Variants in TNRC6B observed in about 807,000 individuals in gnomAD.
The protein encoded by TNRC6B is trinucleotide repeat containing adaptor 6B.
Under a neutral mutation model 203.6 loss-of-function variants are expected in TNRC6B, and 52 were observed. The observed-to-expected ratio is 0.26, with a 90% confidence interval of 0.20 to 0.32. The LOEUF (loss-of-function observed/expected upper bound fraction) is 0.32. TNRC6B is among the 10% of genes least tolerant of loss of function. The probability of loss-of-function intolerance (pLI) is 1.00; values close to 1 mark genes in which losing one functional copy is unlikely to be tolerated. For synonymous variants in TNRC6B, 838 were observed against 845.7 expected, an observed-to-expected ratio of 0.99 and a Z score of 0.16; for missense variants, 1,923 against 2,286.2, an observed-to-expected ratio of 0.84 and a Z score of 3.24.
chr22:40,099,774 G>A (rs575849206), intron 1 of TNRC6B, among the ~76,000 whole-genome samples: 14 of 152,038 alleles, frequency 9.2e-5, no homozygotes, highest in African/African-American at 2.9e-4. Flanking sequence ...TTTTTGAAAC[G>A]GAGTCTCGCT....
chr22:40,171,665 T>G (rs934234030), intron 4 of TNRC6B, among the ~76,000 whole-genome samples: 3 of 152,154 alleles, frequency 2.0e-5, no homozygotes, highest in Non-Finnish European at 4.4e-5. Context: ...AATGGCGCTG[T>G]TTTCTTTTCC....
At chr22:40,198,940 T>A (rs2069375002) in intron 1 of TNRC6B, among the ~76,000 whole-genome samples, 1 of 152,044 alleles carries the variant, frequency 6.6e-6, no homozygotes, top group Admixed American at 6.6e-5. Flanking sequence ...TATCCCATTT[T>A]CCACTAAAAG....
At chr22:40,261,698 C>G in intron 3 of TNRC6B, 134 bp from the exon 4 acceptor site, 1 of 737,800 alleles carries the variant, frequency 1.4e-6, no homozygotes, top group African/African-American at 1.8e-5. Flanking sequence ...GTCCCTTGAG[C>G]CCGAGTTCAA....
intron 5 of TNRC6B, among the ~76,000 whole-genome samples, chr22:40,267,239 A>C (rs1179763015): frequency 6.6e-6 from 1 of 152,248 alleles, no homozygotes; most frequent in African/African-American, 2.4e-5. Flanking sequence ...TTTCTTGGCA[A>C]AAGGAAAAGA....
chr22:40,176,169 G>T (rs1220028397), upstream of TNRC6B, among the ~76,000 whole-genome samples: 1 of 147,108 alleles, frequency 6.8e-6, no homozygotes, highest in Non-Finnish European at 1.5e-5. Flanking sequence ...TTGCTGCCCA[G>T]TCTGGAGTGC....
At chr22:40,268,677 C>T (rs933682218) in intron 5 of TNRC6B, among the ~76,000 whole-genome samples, 3 of 151,720 alleles carry the variant, frequency 2.0e-5, no homozygotes, top group Non-Finnish European at 4.4e-5. Flanking sequence ...TTTGGGAGGC[C>T]GAGGCGGACA....
chr22:40,129,636 T>G (rs2068523828), intron 3 of TNRC6B, among the ~76,000 whole-genome samples: 1 of 152,208 alleles, frequency 6.6e-6, no homozygotes, highest in Non-Finnish European at 1.5e-5. Context: ...CCTGGATTTG[T>G]TTAAGAACTA....
rs2070478483 is a variant in TNRC6B, at chr22:40,266,282, A to G, written c.2052A>G (p.Ser684=). 1.3e-6 allele frequency: 2 copies of G among 1,591,356 alleles called. No homozygotes were observed. Among genetic ancestry groups the G allele is most frequent in the African/African-American group, 2.7e-5 (2 of 74,418 alleles). The change falls in exon 5 of 23, where the codon TCA becomes TCG. Residue 684 remains serine, a synonymous_variant. Transcript: ENST00000454349. ...TGAAGTCTGGATGGGGGGAGCTCTC[A>G]GCCTCTACAGAGTGGAAAGACCCCA... is the stretch of plus-strand genomic sequence containing the variant. ...NQMKSGWGEL[S]ASTEWKDPKN...
At chr22:40,208,298 G>C (rs2069513776) in intron 1 of TNRC6B, among the ~76,000 whole-genome samples, 1 of 152,040 alleles carries the variant, frequency 6.6e-6, no homozygotes, top group Admixed American at 6.6e-5. Context: ...TTTCAGTTGT[G>C]GGCTGGTAAC....
At chr22:40,097,735 A>G (rs932522374) in intron 1 of TNRC6B, among the ~76,000 whole-genome samples, 1 of 151,694 alleles carries the variant, frequency 6.6e-6, no homozygotes, top group African/African-American at 2.4e-5. Flanking sequence ...CATTGTATAC[A>G]TTATATATAC....
intron 3 of TNRC6B, among the ~76,000 whole-genome samples, chr22:40,135,488 C>T (rs1367938376): frequency 6.6e-6 from 1 of 152,028 alleles, no homozygotes; most frequent in African/African-American, 2.4e-5. Context: ...TTATTGACAC[C>T]TTGAAGTAGC....
Position 40,329,357 on chromosome 22 carries a change from A to G in TNRC6B, c.*6116A>G, listed in dbSNP as rs555488684. The stretch of plus-strand genomic sequence containing the variant: ...CCAGAGTTAGTGCAGACCCTGTGAT[A>G]ACAGTCTGTGGGTTTGTGGCCAGCG... On this transcript the variant is annotated 3_prime_UTR_variant, in exon 23 of 23. Coordinates refer to ENST00000454349, the MANE Select transcript of TNRC6B (RefSeq NM_001162501.2). The G allele has an allele frequency of 6.6e-6, 1 of 152,338 alleles. No individual in the cohort carries two copies. The highest frequency in any genetic ancestry group is 6.5e-5 in the Admixed American group (1 of 15,298). The allele number at this position is 152,338 out of a possible 1,614,324, so 9.4% of individuals were successfully genotyped here.
intron 21 of TNRC6B, among the ~76,000 whole-genome samples, chr22:40,319,507 G>C (rs960890807): frequency 1.3e-5 from 2 of 149,002 alleles, no homozygotes; most frequent in African/African-American, 2.5e-5. Flanking sequence ...CTCACTGCAA[G>C]CTCCGCCTCC....
Position 40,159,152 on chromosome 22 carries a change from A to G in TNRC6B, c.113+2970A>G, listed in dbSNP as rs539022006. Among the ~76,000 whole-genome samples the G allele has an allele frequency of 4.6e-5, 7 of 151,416 alleles. No individual in the cohort carries two copies. In the East Asian group the frequency reaches 1.2e-3, roughly 26 times the overall value. On this transcript the variant is annotated intron_variant, in intron 4 of 23. Transcript: ENST00000301923. ...TGATTTTTCTGTATTTTTAGTAGAGATGGGGTTTCACCGTGTTAGCCAGGA... is the reference window on the plus strand; with the variant it reads ...TGATTTTTCTGTATTTTTAGTAGAGGTGGGGTTTCACCGTGTTAGCCAGGA...
At chr22:40,169,769 C>T (rs894758370) in intron 4 of TNRC6B, among the ~76,000 whole-genome samples, 3 of 152,030 alleles carry the variant, frequency 2.0e-5, no homozygotes, top group Non-Finnish European at 4.4e-5. Context: ...GGCATACTCA[C>T]GTTAGGAGGT....
intron 1 of TNRC6B, among the ~76,000 whole-genome samples, chr22:40,058,488 A>G (rs1410137063): frequency 6.6e-6 from 1 of 152,246 alleles, no homozygotes; most frequent in African/African-American, 2.4e-5. Context: ...AACTGGCCAG[A>G]GCCGGGACTC....
chr22:40,312,908 A>T lies in TNRC6B; in HGVS notation c.4589A>T (p.Asn1530Ile), dbSNP rs1241200244. 6.2e-7 allele frequency: 1 copy of T among 1,613,506 alleles called. No homozygotes were observed. The highest frequency in any genetic ancestry group is 8.5e-7 in the Non-Finnish European group (1 of 1,179,658). Reference protein sequence around the residue: ...QLLRDNTTGSNSSLNTSLPSP... With the variant: ...QLLRDNTTGSISSLNTSLPSP... ...TTGTTCTTTGTTACCCAAGGGTCTA[A>T]TTCTTCCCTCAACACCTCGCTGCCT... The change falls in exon 19 of 23, where the codon AAT (asparagine) becomes ATT (isoleucine). Residue 1530 changes from asparagine (N) to isoleucine (I), a missense_variant. Physicochemically the swap from Asn to Ile is moderately radical, Grantham distance 149 (BLOSUM62 -3). This residue lies in a region of TNRC6B where 159 missense variants were observed against 181.0 expected (regional missense o/e 0.88). Transcript: ENST00000454349.
chr22:40,210,559 A>G (rs1452961385), intron 1 of TNRC6B, among the ~76,000 whole-genome samples: 1 of 152,206 alleles, frequency 6.6e-6, no homozygotes. Context: ...TTACCATTTT[A>G]TACGCACAGC....
chr22:40,121,513 C>T (rs914532488), intron 2 of TNRC6B, among the ~76,000 whole-genome samples: 9 of 152,168 alleles, frequency 5.9e-5, no homozygotes, highest in South Asian at 4.1e-4. Flanking sequence ...AAAGCTGTGC[C>T]GGCATAATTC....
Sources: gnomAD v4.1 joint callset for allele counts (sites outside exome capture counted in the v4.1 genomes callset) on GRCh38, gnomAD v4.1.1 for gene constraint, gnomAD v4.1.1 regional missense constraint, MANE v1.5 for transcripts, NCBI Gene and HGNC (gene_info 2026-07-23, HGNC 2026-07-21) for gene names.